LUZP2: variants seen among roughly 807,000 people sequenced by gnomAD.
LUZP2 encodes leucine zipper protein 2.
LUZP2 carries 52 observed loss-of-function variants against 51.6 expected under a neutral mutation model. The observed-to-expected ratio is 1.01, with a 90% CI of 0.81 to 1.27. The LOEUF is 1.27. LUZP2 is among the 50% of genes most tolerant of loss of function. The pLI is 0.00. For missense variants in LUZP2, 436 were observed against 395.4 expected (o/e 1.10, Z -0.87); for synonymous variants, 154 against 137.3 (o/e 1.12, Z -0.85).
rs182072848 is a variant in LUZP2 at position 25,023,558 on chromosome 11, G to A, written c.766-26480G>A. Among the ~76,000 whole-genome samples the A allele has an allele frequency of 4.1e-3, 485 of 118,082 alleles. 8 individuals carry two copies. Among genetic ancestry groups the A allele is most frequent in the Non-Finnish European group, 4.5e-3 (257 of 57,488 alleles). The allele number at this position is 118,082 out of a possible 152,430, so 77.5% of individuals were successfully genotyped here. The stretch of plus-strand genomic sequence containing the variant: ...TTTCTTCTTTATTAATCTTGCTAGC[G>A]GTATATCAATTTTCAAAAAAACCAG... On this transcript the variant is annotated intron_variant, in intron 9 of 11. Coordinates refer to ENST00000336930, the MANE Select transcript of LUZP2 (RefSeq NM_001009909.4).
chr11:24,976,681 T>A lies in LUZP2; in HGVS notation c.597+16T>A, dbSNP rs780870890. 17 of 1,305,716 alleles carry A rather than the reference T, an allele frequency of 1.3e-5. No individual in the cohort carries two copies. The highest frequency in any genetic ancestry group is 1.8e-5 in the Non-Finnish European group (17 of 968,008). 80.9% of individuals were successfully genotyped at this position (1,305,716 alleles called of 1,614,324 possible). On this transcript the variant is annotated intron_variant, in intron 8 of 11. Transcript: ENST00000336930. ...TCTTGACAGGGTAAGTCTACATTCA[T>A]GAACCATTACAACTGTAGTTTTAGC...
At chr11:24,712,495 T>C (rs1857872431) in intron 1 of LUZP2, among the ~76,000 whole-genome samples, 2 of 152,262 alleles carry the variant, frequency 1.3e-5, no homozygotes, top group South Asian at 2.1e-4. Context: ...AGATCTGTGA[T>C]ACAAAATTAC....
intron 7 of LUZP2, among the ~76,000 whole-genome samples, chr11:24,924,550 C>T (rs1473907726): frequency 1.3e-5 from 2 of 152,064 alleles, no homozygotes; most frequent in Non-Finnish European, 1.5e-5. Context: ...GCAAAATCCA[C>T]CTGTAAATCA....
chr11:24,636,606 C>T (rs944874438), intron 1 of LUZP2, among the ~76,000 whole-genome samples: 4 of 152,128 alleles, frequency 2.6e-5, no homozygotes, highest in Non-Finnish European at 4.4e-5. Flanking sequence ...TTGATTTACA[C>T]ACGTAAATGC....
intron 9 of LUZP2, among the ~76,000 whole-genome samples, chr11:25,049,061 C>T (rs904327970): frequency 1.3e-5 from 2 of 152,084 alleles, no homozygotes; most frequent in African/African-American, 2.4e-5. Flanking sequence ...TGCTAAAGAA[C>T]GTACTTGCCT....
At chr11:24,730,067 C>T (rs537360464) in intron 2 of LUZP2, among the ~76,000 whole-genome samples, 3 of 151,722 alleles carry the variant, frequency 2.0e-5, no homozygotes, top group Admixed American at 2.0e-4. Flanking sequence ...CTTCTGTCCA[C>T]ACTCTTCTCC....
intron 1 of LUZP2, among the ~76,000 whole-genome samples, chr11:24,687,473 C>G (rs933532119): frequency 1.4e-4 from 21 of 152,010 alleles, no homozygotes; most frequent in African/African-American, 5.1e-4. Flanking sequence ...AGAATGGTAC[C>G]TTTATCAGGT....
chr11:24,531,054 A>ATTATTATTATTATTATTG (rs1403626474), intron 1 of LUZP2, among the ~76,000 whole-genome samples: 96 of 147,042 alleles, frequency 6.5e-4, no homozygotes, highest in African/African-American at 2.3e-3. Flanking sequence ...TATTATTATT[A>ATTATTATTATTATTATTG]TTATTATTAT....
chr11:24,840,347 T>C (rs957408766), intron 5 of LUZP2, among the ~76,000 whole-genome samples: 3 of 151,900 alleles, frequency 2.0e-5, no homozygotes, highest in African/African-American at 7.2e-5. Flanking sequence ...ATAGGAAACA[T>C]TTGACACGTA....
intron 1 of LUZP2, among the ~76,000 whole-genome samples, chr11:24,700,398 A>AT (rs1445975056): frequency 1.3e-5 from 2 of 152,154 alleles, no homozygotes; most frequent in Non-Finnish European, 2.9e-5. Context: ...TAGTTCAAGC[A>AT]TTAGCAGCTT....
chr11:24,667,329 A>C (rs1024992658), intron 1 of LUZP2, among the ~76,000 whole-genome samples: 2 of 151,666 alleles, frequency 1.3e-5, no homozygotes, highest in Non-Finnish European at 2.9e-5. Context: ...GACTACAGAC[A>C]TGTGCCACCA....
At chr11:24,945,820 T>A (rs929960410) in intron 7 of LUZP2, among the ~76,000 whole-genome samples, 4 of 150,024 alleles carry the variant, frequency 2.7e-5, no homozygotes, top group African/African-American at 1.0e-4. Flanking sequence ...TATTGAGATA[T>A]ACTTATATAA....
chr11:24,649,257 A>T (rs1855552690), intron 1 of LUZP2, among the ~76,000 whole-genome samples: 1 of 151,986 alleles, frequency 6.6e-6, no homozygotes, highest in Non-Finnish European at 1.5e-5. Context: ...GAACCTAACT[A>T]AGTGGGTAAT....
At chr11:24,769,786 C>CTCTTTTTT (rs764723270) in intron 5 of LUZP2, among the ~76,000 whole-genome samples, 5 of 146,950 alleles carry the variant, frequency 3.4e-5, no homozygotes, top group South Asian at 2.1e-4. Context: ...ACTAAATTCT[C>CTCTTTTTT]TTTTTTGTTT....
intron 5 of LUZP2, among the ~76,000 whole-genome samples, chr11:24,849,489 A>G (rs549942026): frequency 6.6e-6 from 1 of 152,156 alleles, no homozygotes; most frequent in African/African-American, 2.4e-5. Flanking sequence ...ATAGTATTCC[A>G]TGGTGTATAT....
chr11:24,531,491 T>C (rs915444585), intron 1 of LUZP2, among the ~76,000 whole-genome samples: 1 of 150,918 alleles, frequency 6.6e-6, no homozygotes, highest in Admixed American at 6.6e-5. Context: ...TTGTTTATCA[T>C]AGTCACCCTA....
chr11:24,609,381 A>C (rs76073255), intron 1 of LUZP2, among the ~76,000 whole-genome samples: 265 of 152,238 alleles, frequency 1.7e-3, no homozygotes, highest in African/African-American at 6.0e-3. Flanking sequence ...TTCATTTGAA[A>C]TAGTGTAGGA....
At chr11:24,962,779 G>A (rs1039665680) in intron 7 of LUZP2, among the ~76,000 whole-genome samples, 32 of 152,258 alleles carry the variant, frequency 2.1e-4, no homozygotes, top group Admixed American at 7.8e-4. Context: ...GTCATTCTCC[G>A]TCCCGCTTTG....
intron 1 of LUZP2, among the ~76,000 whole-genome samples, chr11:24,629,890 A>T (rs1854818866): frequency 6.6e-6 from 1 of 151,816 alleles, no homozygotes; most frequent in Non-Finnish European, 1.5e-5. Flanking sequence ...AACCTTTCTG[A>T]GTTGGGTATG....
Sources: allele counts gnomAD v4.1 joint callset (sites outside exome capture counted in the v4.1 genomes callset), GRCh38; gene constraint gnomAD v4.1.1; transcripts MANE v1.5; gene names NCBI Gene and HGNC (gene_info 2026-07-23, HGNC 2026-07-21).